NOL12: variants seen among roughly 807,000 people sequenced by gnomAD.
NOL12 encodes the protein nucleolar protein 12.
In NOL12, 21 loss-of-function variants were observed where a neutral mutation model predicts 25.2. That is an observed-to-expected ratio of 0.83 (90% CI 0.59 to 1.20). The LOEUF is 1.20. Ranked by LOEUF, NOL12 falls within the 50% of genes most tolerant of loss-of-function variation. The pLI is 0.00. For missense variants in NOL12, 286 were observed against 287.6 expected (o/e 0.99, Z 0.04); for synonymous variants, 133 against 113.8 (o/e 1.17, Z -1.08).
At chr22:37,688,473 A>C (rs1601606586) in intron 3 of NOL12, 113 bp downstream of exon 3, 20 of 1,124,034 alleles carry the variant, frequency 1.8e-5, no homozygotes, top group South Asian at 5.2e-5. Flanking sequence ...CTTGGGGGGT[A>C]CCCTGGGGCC....
At chr22:37,687,870 T>C in intron 1 of NOL12, 40 bp from the exon 2 acceptor site, 6 of 1,480,270 alleles carry the variant, frequency 4.1e-6, no homozygotes, top group Non-Finnish European at 5.5e-6. Flanking sequence ...TCTCTCCTTG[T>C]ATAATGACTC....
intron 1 of NOL12, chr22:37,687,111 C>A: frequency 1.0e-6 from 1 of 984,978 alleles, no homozygotes; most frequent in Non-Finnish European, 1.2e-6. Flanking sequence ...GCCCTACAGG[C>A]GAGTTTAGGG....
intron 5 of NOL12, 151 bp from the exon 6 acceptor site, chr22:37,691,023 C>A: frequency 1.1e-6 from 1 of 922,042 alleles, no homozygotes; most frequent in Non-Finnish European, 1.7e-6. Context: ...AGCTGAGTTG[C>A]TGGCAGGCAC....
rs1359845640 is a variant in NOL12, at chr22:37,691,264, C to T, written c.570C>T (p.Pro190=). 1.2e-6 allele frequency: 2 copies of T among 1,614,068 alleles called. No individual in the cohort carries two copies. The highest frequency in any genetic ancestry group is 2.2e-5 in the South Asian group (2 of 91,062). ...GACGGGCCCAGGACTCCAAAAAGCC[C>T]CCAAGGGCCCCTCGTACCAGCAAGG... ...HPRRAQDSKK[P]PRAPRTSKAQ... is the part of the protein sequence containing the mutation. Residue 190 remains proline (P), a synonymous_variant, in exon 6 of 6, where the codon CCC becomes CCT. Transcript: ENST00000359114.
rs1921899697 is a variant in NOL12 at position 37,688,022 on chromosome 22, AG to A, written c.189+12del. ...GAGGAAGCTTCGGGAGGAGGTACGC[AG>A]GGGGAAGGTGGGAGGGAGGTCTTTG... On this transcript the variant is annotated splice_region_variant and intron_variant, in intron 2 of 5. Transcript: ENST00000359114. 13 of 844,734 alleles carry A rather than the reference AG, an allele frequency of 1.5e-5. No individual in the cohort carries two copies. The East Asian group carries it at 2.4e-4, about 16-fold the overall frequency. The allele number at this position is 844,734 out of a possible 1,614,324, so 52.3% of individuals were successfully genotyped here.
At chr22:37,686,665 C>T (rs1262951431) in intron 1 of NOL12, 190 bp downstream of exon 1, 3 of 985,326 alleles carry the variant, frequency 3.0e-6, no homozygotes, top group Non-Finnish European at 3.6e-6. Context: ...CCCTTCTTGA[C>T]CTCCCCACCT....
Position 37,687,908 on chromosome 22 carries a change from AG to A in NOL12, c.85del, listed in dbSNP as rs1278608902. 1 of 1,565,800 alleles carries A rather than the reference AG, an allele frequency of 6.4e-7. No individual in the cohort carries two copies. Among genetic ancestry groups the A allele is most frequent in the African/African-American group, 1.4e-5 (1 of 73,826 alleles). Reference sequence around the variant, plus strand: ...CTGTCTCTGCCGGCTTCCTTCCTGTAGGGAGTACCTGACAGGCTTCCACAAG... The same window carrying A: ...CTGTCTCTGCCGGCTTCCTTCCTGTAGGAGTACCTGACAGGCTTCCACAAG... On this transcript the variant is annotated splice_acceptor_variant, in intron 1 of 5. Transcript: ENST00000359114. LOFTEE classifies it high-confidence loss of function.
rs756448572 is a variant in NOL12 at position 37,690,708 on chromosome 22, A to T, written c.393A>T (p.Gly131=). ...TTGTGCCTCTTTAGGGAGGGGCTGG[A>T]GACAGGTCTGAGGAGGAGGCGTCAT... The part of the protein sequence containing the change: ...LGLTPPEGGA[G]DRSEEEASST... Residue 131 remains glycine, a synonymous_variant, in exon 5 of 6, where the codon GGA becomes GGT. Transcript: ENST00000359114. 15 of 1,613,096 alleles carry T rather than the reference A, an allele frequency of 9.3e-6. No individual in the cohort carries two copies. The highest frequency in any genetic ancestry group is 1.3e-5 in the Non-Finnish European group (15 of 1,179,356).
In NOL12 at chr22:37,688,935, C is replaced by A; in HGVS notation, c.324C>A (p.Thr108=). The A allele has an allele frequency of 6.2e-7, 1 of 1,613,950 alleles. No individual in the cohort carries two copies. Among genetic ancestry groups the A allele is most frequent in the South Asian group, 1.1e-5 (1 of 91,082 alleles). ...ACCCCAACCACACAGTCACCGTGAC[C>A]ACCATCAGTGACCTGGACCTCTCGG... The part of the protein sequence containing the change: ...YDHPNHTVTV[T]TISDLDLSGA... Residue 108 remains threonine (T), a synonymous_variant, in exon 4 of 6, where the codon ACC becomes ACA. Coordinates refer to ENST00000359114, the MANE Select transcript of NOL12 (RefSeq NM_024313.3).
intron 5 of NOL12, 88 bp from the exon 6 acceptor site, chr22:37,691,085 CG>C: frequency 6.9e-7 from 1 of 1,458,320 alleles, no homozygotes. Context: ...TCCTGGCATT[CG>C]CAACCTGTCC....
At chr22:37,689,451 C>T (rs552079044) in intron 4 of NOL12, among the ~76,000 whole-genome samples, 23 of 152,232 alleles carry the variant, frequency 1.5e-4, no homozygotes, top group Admixed American at 6.5e-4. Flanking sequence ...TCCCTTTGTG[C>T]GATTCGCAGC....
chr22:37,686,546 C>T, intron 1 of NOL12, 71 bp downstream of exon 1: 8 of 1,451,088 alleles, frequency 5.5e-6, no homozygotes, highest in Non-Finnish European at 6.3e-6. Context: ...TGGGGCCGAG[C>T]ACGCTCCCGC....
intron 1 of NOL12, 145 bp from the exon 2 acceptor site, chr22:37,687,765 T>C (rs764349935): frequency 1.0e-5 from 6 of 593,936 alleles, no homozygotes; most frequent in Non-Finnish European, 1.8e-5. Flanking sequence ...GCCATTGTTG[T>C]GAAGGTTAAA....
intron 2 of NOL12, 141 bp downstream of exon 2, chr22:37,688,156 C>T (rs1035232953): frequency 3.8e-6 from 4 of 1,064,912 alleles, no homozygotes; most frequent in Non-Finnish European, 5.6e-6. Context: ...GGTGGAGACT[C>T]TGTGGGCCCG....
At chr22:37,690,937 C>A in intron 5 of NOL12, 143 bp downstream of exon 5, 1 of 699,082 alleles carries the variant, frequency 1.4e-6, no homozygotes, top group Non-Finnish European at 2.4e-6. Flanking sequence ...CTCATTGCCC[C>A]GTCCTGTCCC....
intron 4 of NOL12, among the ~76,000 whole-genome samples, chr22:37,689,309 G>A (rs999803839): frequency 1.3e-5 from 2 of 152,228 alleles, no homozygotes; most frequent in Admixed American, 1.3e-4. Flanking sequence ...GTGAACTGGG[G>A]GTTGCTGATG....
chr22:37,688,339 G>A lies in NOL12; in HGVS notation c.217G>A (p.Ala73Thr), dbSNP rs779213197. 10 of 1,614,094 alleles carry A rather than the reference G, an allele frequency of 6.2e-6. No homozygotes were observed. The Admixed American group carries it at 1.0e-4, about 16-fold the overall frequency. ...ERHQEYLKML[A>T]EREEALEEAD... ...CCACCAGGAATACTTGAAGATGCTG[G>A]CAGAGAGAGAAGAGGCTCTGGGTAA... is the stretch of plus-strand genomic sequence containing the variant. The change falls in exon 3 of 6, where the codon GCA becomes ACA. Residue 73 changes from alanine (A) to threonine (T), a missense_variant. Physicochemically the swap from Ala to Thr is moderately conservative, Grantham distance 58. Coordinates refer to ENST00000359114, the MANE Select transcript of NOL12 (RefSeq NM_024313.3).
Position 37,692,174 on chromosome 22 carries a change from T to C in NOL12, c.*838T>C, listed in dbSNP as rs1922100483. ...GAGCTCGAGACCAGCCTGGCCAACATGGTGAAACCCTGTCTCTACTAAAAA... is the reference window on the plus strand; with the variant it reads ...GAGCTCGAGACCAGCCTGGCCAACACGGTGAAACCCTGTCTCTACTAAAAA... On this transcript the variant is annotated 3_prime_UTR_variant, in exon 6 of 6. Transcript: ENST00000359114. 1.4e-5 allele frequency: 3 copies of C among 207,978 alleles called. No homozygotes were observed. The highest frequency in any genetic ancestry group is 2.8e-5 in the Non-Finnish European group (3 of 105,350). 12.9% of individuals were successfully genotyped at this position (207,978 alleles called of 1,614,324 possible).
Position 37,688,834 on chromosome 22 carries a change from G to A in NOL12, c.239-16G>A, listed in dbSNP as rs564789043. ...CGTTCCCGTGACTGAGACCAGGTCTGTGTCCACCCCCACAGAGGAGGCAGA... is the reference window on the plus strand; with the variant it reads ...CGTTCCCGTGACTGAGACCAGGTCTATGTCCACCCCCACAGAGGAGGCAGA... On this transcript the variant is annotated splice_polypyrimidine_tract_variant and intron_variant, in intron 3 of 5. Transcript: ENST00000359114. 1.2e-6 allele frequency: 2 copies of A among 1,613,940 alleles called. No individual in the cohort carries two copies. The highest frequency in any genetic ancestry group is 2.2e-5 in the South Asian group (2 of 91,086).
Sources: allele counts gnomAD v4.1 joint callset (sites outside exome capture counted in the v4.1 genomes callset), GRCh38; gene constraint gnomAD v4.1.1; transcripts MANE v1.5; gene names NCBI Gene and HGNC (gene_info 2026-07-23, HGNC 2026-07-21).